FAT4: variants seen among roughly 807,000 people sequenced by gnomAD.
FAT4 encodes the protein protocadherin Fat 4.
A neutral mutation model predicts 303.9 loss-of-function variants in FAT4; 84 were observed. That is an observed-to-expected ratio of 0.28 (90% CI 0.23 to 0.33). The LOEUF (loss-of-function observed/expected upper bound fraction) is 0.33, where lower values mean the gene tolerates loss of function less well. FAT4 is among the 10% of genes least tolerant of loss of function. The probability of loss-of-function intolerance (pLI) is 1.00; values close to 1 mark genes in which losing one functional copy is unlikely to be tolerated. For missense variants in FAT4, 6,005 were observed against 6,146.8 expected, an observed-to-expected ratio of 0.98 and a Z score of 0.77; for synonymous variants, 2,307 against 2,298.8, an observed-to-expected ratio of 1.00 and a Z score of -0.10.
Position 125,318,890 on chromosome 4 carries a change from A to T in FAT4, c.2479A>T (p.Ser827Cys), listed in dbSNP as rs757839205. 4 of 1,614,076 alleles carry T rather than the reference A, an allele frequency of 2.5e-6. No individual in the cohort carries two copies. In the East Asian group the frequency reaches 8.9e-5, roughly 36 times the overall value. The change falls in exon 2 of 18, where the codon AGT becomes TGT. Residue 827 changes from serine to cysteine, a missense_variant. Physicochemically the swap from Ser to Cys is moderately radical, Grantham distance 112. Coordinates refer to ENST00000394329, the MANE Select transcript of FAT4 (RefSeq NM_001291303.3). ...CACCATGGATCTCAATTCCAACATC[A>T]GTTATCTCATTACTACTGGGGATCA... The part of the protein sequence containing the change: ...ASTMDLNSNI[S>C]YLITTGDQKG...
intron 2 of FAT4, among the ~76,000 whole-genome samples, chr4:125,339,816 C>T (rs1305819781): frequency 6.6e-6 from 1 of 151,898 alleles, no homozygotes; most frequent in Non-Finnish European, 1.5e-5. Context: ...CTGACCTGGT[C>T]ATATATAAGA....
intron 2 of FAT4, among the ~76,000 whole-genome samples, chr4:125,364,271 T>G (rs1732779477): frequency 6.6e-6 from 1 of 152,144 alleles, no homozygotes; most frequent in Non-Finnish European, 1.5e-5. Flanking sequence ...TCTATAGTGA[T>G]TCTTGTAGTA....
intron 10 of FAT4, among the ~76,000 whole-genome samples, 174 bp from the exon 11 acceptor site, chr4:125,463,389 C>G (rs1726547904): frequency 6.6e-6 from 1 of 151,938 alleles, no homozygotes; most frequent in African/African-American, 2.4e-5. Flanking sequence ...GACAACTAAA[C>G]AAGATTTTAA....
In FAT4 at chr4:125,330,748, C is replaced by T. The variant is rs1243577649; in HGVS notation, c.5175+9162C>T. On this transcript the variant is annotated intron_variant, in intron 2 of 17. Transcript: ENST00000394329. ...GGCATCTCAGCCTTTGTCCTTGTCC[C>T]CTTCAGTTTAGTCTAGCAACCAGAG... is the stretch of plus-strand genomic sequence containing the variant. Among the ~76,000 whole-genome samples, 3 of 152,254 alleles carry T rather than the reference C, an allele frequency of 2.0e-5. No individual in the cohort carries two copies. The East Asian group carries it at 5.8e-4, about 29-fold the overall frequency.
chr4:125,491,703 G>A lies in FAT4; in HGVS notation c.14887G>A (p.Glu4963Lys). ...ASLPEKAAAN[E>K]EGKAGTTKPV... ...TCTTCCAGAAAAAGCAGCAGCAAATGAAGAAGGCAAAGCTGGGACAACTAA... is the reference window on the plus strand; with the variant it reads ...TCTTCCAGAAAAAGCAGCAGCAAATAAAGAAGGCAAAGCTGGGACAACTAA... The change falls in exon 18 of 18, where the codon GAA (glutamate) becomes AAA (lysine). Residue 4963 changes from glutamate to lysine, a missense_variant. Coordinates refer to ENST00000394329, the MANE Select transcript of FAT4 (RefSeq NM_001291303.3). 1 of 1,614,166 alleles carries A rather than the reference G, an allele frequency of 6.2e-7. No homozygotes were observed. The highest frequency in any genetic ancestry group is 8.5e-7 in the Non-Finnish European group (1 of 1,179,996).
At chr4:125,482,809 C>T (rs1355232699) in intron 16 of FAT4, among the ~76,000 whole-genome samples, 1 of 152,092 alleles carries the variant, frequency 6.6e-6, no homozygotes, top group African/African-American at 2.4e-5. Context: ...AAATTTTTCT[C>T]TGTGCAAGCC....
chr4:125,317,891 G>T lies in FAT4; in HGVS notation c.1480G>T (p.Val494Leu), dbSNP rs1730704138. 4 of 1,614,072 alleles carry T rather than the reference G, an allele frequency of 2.5e-6. No individual in the cohort carries two copies. The highest frequency in any genetic ancestry group is 3.4e-6 in the Non-Finnish European group (4 of 1,180,040). ...CGAGGAGGCGCCTCCGGGAAGCTAT[G>T]TGAGTGGGATATCTGCCACTGATGG... is the stretch of plus-strand genomic sequence containing the variant. ...LSEEAPPGSY[V>L]SGISATDGDS... Residue 494 changes from valine (V) to leucine (L), a missense_variant, in exon 2 of 18, where the codon GTG becomes TTG. Coordinates refer to ENST00000394329, the MANE Select transcript of FAT4 (RefSeq NM_001291303.3). The surrounding 1 kb of genome is among the most constrained non-coding windows in gnomAD (Gnocchi z 7.0).
intron 2 of FAT4, among the ~76,000 whole-genome samples, chr4:125,373,091 C>A (rs1355277507): frequency 6.6e-6 from 1 of 152,012 alleles, no homozygotes; most frequent in Non-Finnish European, 1.5e-5. Context: ...CAGGAATGAC[C>A]ACCAGTTATC....
At chr4:125,483,176 G>A (rs1434888683) in intron 16 of FAT4, among the ~76,000 whole-genome samples, 1 of 152,130 alleles carries the variant, frequency 6.6e-6, no homozygotes, top group African/African-American at 2.4e-5. Context: ...AAAGGACCCA[G>A]TTCCAGAGTT....
At chr4:125,409,313 A>G (rs914401860) in intron 5 of FAT4, among the ~76,000 whole-genome samples, 1 of 151,588 alleles carries the variant, frequency 6.6e-6, no homozygotes, top group Admixed American at 6.6e-5. Context: ...CTGGAGTGCA[A>G]TGATGCAATC....
At position 125,449,791 on chromosome 4, in the gene FAT4, AG is replaced by A. The variant is rs1482149742; in HGVS notation, c.8782del (p.Glu2928ArgfsTer8). 6.2e-7 allele frequency: 1 copy of A among 1,613,686 alleles called. No homozygotes were observed. The highest frequency in any genetic ancestry group is 8.5e-7 in the Non-Finnish European group (1 of 1,179,904). ...EYFRINATTG[E>X]IFNKQILKYQ... is the part of the protein sequence containing the mutation. ...ATTTCAGGATTAATGCCACCACTGG[AG>A]AGATTTTCAATAAACAGATCTTAAA... On this transcript the variant is annotated frameshift_variant, in exon 10 of 18. Coordinates refer to ENST00000394329, the MANE Select transcript of FAT4 (RefSeq NM_001291303.3). LOFTEE classifies it high-confidence loss of function.
At chr4:125,462,671 G>T (rs1331086326) in intron 10 of FAT4, among the ~76,000 whole-genome samples, 1 of 151,950 alleles carries the variant, frequency 6.6e-6, no homozygotes, top group Admixed American at 6.6e-5. Context: ...CCTGGATATG[G>T]GAGCAGAAGC....
intron 7 of FAT4, among the ~76,000 whole-genome samples, chr4:125,419,363 A>G (rs1435493010): frequency 6.6e-6 from 1 of 152,080 alleles, no homozygotes; most frequent in African/African-American, 2.4e-5. Flanking sequence ...TCTGTACACC[A>G]TATCCAACAA....
chr4:125,362,043 A>T (rs775803936), intron 2 of FAT4, among the ~76,000 whole-genome samples: 2 of 152,068 alleles, frequency 1.3e-5, no homozygotes, highest in Admixed American at 1.3e-4. Context: ...AAGACCTTTG[A>T]AATTTGCTTA....
intron 2 of FAT4, among the ~76,000 whole-genome samples, chr4:125,378,231 A>G (rs781085616): frequency 2.0e-5 from 3 of 152,144 alleles, no homozygotes; most frequent in Non-Finnish European, 2.9e-5. Context: ...GTCATTGTAA[A>G]AGCCCAATAT....
In FAT4 at chr4:125,451,245, G is replaced by C. The variant is rs758604504; in HGVS notation, c.10235G>C (p.Ser3412Thr). The C allele has an allele frequency of 6.2e-7, 1 of 1,613,990 alleles. No individual in the cohort carries two copies. The highest frequency in any genetic ancestry group is 1.3e-5 in the African/African-American group (1 of 74,926). ...DPPIFTLNIY[S>T]VQISEGVPIG... is the part of the protein sequence containing the mutation. Reference sequence around the variant, plus strand: ...CCCATTTTTACTCTAAACATCTACAGTGTGCAGATCAGTGAAGGGGTCCCA... The same window carrying C: ...CCCATTTTTACTCTAAACATCTACACTGTGCAGATCAGTGAAGGGGTCCCA... The change falls in exon 10 of 18, where the codon AGT (serine) becomes ACT (threonine). Residue 3412 changes from serine (S) to threonine (T), a missense_variant. Ser to Thr is a moderately conservative substitution (Grantham distance 58). Transcript: ENST00000394329.
chr4:125,390,811 T>G (rs1188378231), intron 2 of FAT4, among the ~76,000 whole-genome samples: 1 of 152,304 alleles, frequency 6.6e-6, no homozygotes, highest in South Asian at 2.1e-4. Context: ...AAGTGGGAGA[T>G]ATTCTGAACA....
chr4:125,370,327 A>C (rs1448278137), intron 2 of FAT4, among the ~76,000 whole-genome samples: 2 of 152,200 alleles, frequency 1.3e-5, no homozygotes, highest in Non-Finnish European at 2.9e-5. Context: ...AAGTAGAGAC[A>C]GTTCCAAATT....
chr4:125,353,050 A>C (rs1410646985), intron 2 of FAT4, among the ~76,000 whole-genome samples: 2 of 151,756 alleles, frequency 1.3e-5, no homozygotes, highest in African/African-American at 4.8e-5. Flanking sequence ...ATATTGTCAA[A>C]TCTTTGTGAA....
Sources: gnomAD v4.1 joint callset for allele counts (sites outside exome capture counted in the v4.1 genomes callset) on GRCh38, gnomAD v4.1.1 for gene constraint, Gnocchi (gnomAD v3.1) non-coding constraint, MANE v1.5 for transcripts, NCBI Gene and HGNC (gene_info 2026-07-23, HGNC 2026-07-21) for gene names.